The following NGRN variants were observed in gnomAD, a reference collection of about 807,000 sequenced individuals.
NGRN encodes neugrin.
NGRN carries 12 observed loss-of-function variants against 13.1 expected under a neutral mutation model. The observed-to-expected ratio is 0.92, with a 90% CI of 0.59 to 1.49. The LOEUF is 1.49. Among genes scored for constraint, NGRN ranks in the 40% most tolerant of loss-of-function variants. The probability of loss-of-function intolerance (pLI) is 0.00; values close to 1 mark genes in which losing one functional copy is unlikely to be tolerated. For missense variants in NGRN, 397 were observed against 357.0 expected (o/e 1.11, Z -0.90); for synonymous variants, 149 against 145.8 (o/e 1.02, Z -0.16).
intron 2 of NGRN, among the ~76,000 whole-genome samples, chr15:90,268,200 A>G (rs1963456289): frequency 6.6e-6 from 1 of 151,850 alleles, no homozygotes; most frequent in South Asian, 2.1e-4. Context: ...ACAGAGTTTC[A>G]CCATGTTGGC....
Position 90,266,395 on chromosome 15 carries a change from T to C in NGRN, c.272T>C (p.Ile91Thr), listed in dbSNP as rs746363112. ...CTGACGTGGGAAGCCATGGAGCAGA[T>C]ACGGTGAGACTCAGGATACCTTGTT... The part of the protein sequence containing the change: ...RTLTWEAMEQ[I>T]RYLHEEFPES... The change falls in exon 2 of 3, where the codon ATA becomes ACA. Residue 91 changes from isoleucine (I) to threonine (T), a missense_variant. By Grantham distance (89) the Ile-to-Thr change is moderately conservative. Coordinates refer to ENST00000379095, the MANE Select transcript of NGRN (RefSeq NM_001033088.3). 3 of 1,612,554 alleles carry C rather than the reference T, an allele frequency of 1.9e-6. No homozygotes were observed. The highest frequency in any genetic ancestry group is 2.2e-5 in the South Asian group (2 of 90,792).
At position 90,271,172 on chromosome 15, in the gene NGRN, C is replaced by G; in HGVS notation, c.276-16C>G. The G allele has an allele frequency of 6.3e-7, 1 of 1,599,494 alleles. No homozygotes were observed. The highest frequency in any genetic ancestry group is 8.5e-7 in the Non-Finnish European group (1 of 1,172,920). On this transcript the variant is annotated splice_polypyrimidine_tract_variant and intron_variant, in intron 2 of 2. Coordinates refer to ENST00000379095, the MANE Select transcript of NGRN (RefSeq NM_001033088.3). Reference sequence around the variant, plus strand: ...GACTTCTTCACAACTTGCAAACCTGCTCCTTCTTCCCGTAGGTATTTACAT... The same window carrying G: ...GACTTCTTCACAACTTGCAAACCTGGTCCTTCTTCCCGTAGGTATTTACAT...
Position 90,265,709 on chromosome 15 carries a change from C to T in NGRN, c.-4C>T, listed in dbSNP as rs368838597. Reference sequence around the variant, plus strand: ...CCGACTGCTGAAGGCTGGTTTGCGTCGACATGGCGGTTACCCTGAGTCTCT... The same window carrying T: ...CCGACTGCTGAAGGCTGGTTTGCGTTGACATGGCGGTTACCCTGAGTCTCT... On this transcript the variant is annotated 5_prime_UTR_variant, in exon 1 of 3. Coordinates refer to ENST00000379095, the MANE Select transcript of NGRN (RefSeq NM_001033088.3). 3.6e-5 allele frequency: 58 copies of T among 1,613,136 alleles called. No homozygotes were observed. The Admixed American group carries it at 4.8e-4, about 13-fold the overall frequency.
chr15:90,267,930 G>T (rs1963452235), intron 2 of NGRN, among the ~76,000 whole-genome samples: 1 of 152,148 alleles, frequency 6.6e-6, no homozygotes. Context: ...GGATTCTGTA[G>T]AGCTGCTCAA....
intron 2 of NGRN, among the ~76,000 whole-genome samples, chr15:90,267,671 TG>T (rs1403469917): frequency 6.6e-6 from 1 of 152,134 alleles, no homozygotes; most frequent in Non-Finnish European, 1.5e-5. Context: ...TCTTTTATTG[TG>T]GGCATTTAGT....
In NGRN at chr15:90,271,663, G is replaced by A. The variant is rs764522865; in HGVS notation, c.751G>A (p.Ala251Thr). 6.2e-6 allele frequency: 10 copies of A among 1,614,100 alleles called. No individual in the cohort carries two copies. In the African/African-American group the frequency reaches 6.7e-5, roughly 11 times the overall value. ...SESPRGTGSGALPSGQKLEEL... is the reference protein window; with the variant it reads ...SESPRGTGSGTLPSGQKLEEL... ...GAGCCCCAGAGGAACTGGCAGTGGT[G>A]CGTTGCCAAGTGGTCAGAAGCTGGA... Residue 251 changes from alanine to threonine, a missense_variant, in exon 3 of 3, where the codon GCG becomes ACG. By Grantham distance (58) the Ala-to-Thr change is moderately conservative. Transcript: ENST00000379095.
chr15:90,268,946 A>ACC (rs10588270), intron 2 of NGRN, among the ~76,000 whole-genome samples: 1 of 29,946 alleles, frequency 3.3e-5, no homozygotes, highest in Non-Finnish European at 5.8e-5. Context: ...GCTTTCTCCC[A>ACC]CCCCCCCCCC....
intron 2 of NGRN, 22 bp downstream of exon 2, chr15:90,266,420 T>C (rs752546965): frequency 1.9e-6 from 3 of 1,585,946 alleles, no homozygotes; most frequent in East Asian, 4.5e-5. Context: ...GATACCTTGT[T>C]TGTATCCGCT....
intron 2 of NGRN, 62 bp from the exon 3 acceptor site, chr15:90,271,126 G>A (rs1336248507): frequency 3.2e-6 from 5 of 1,552,926 alleles, no homozygotes; most frequent in Admixed American, 3.9e-5. Context: ...TAGGTATTGC[G>A]AGTTAGATGT....
intron 1 of NGRN, 142 bp downstream of exon 1, chr15:90,266,018 C>G (rs1963411997): frequency 7.1e-7 from 1 of 1,410,050 alleles, no homozygotes. Context: ...AGGGGCGCAG[C>G]GTCAGGTGTT....
chr15:90,270,414 T>C (rs1322924264), intron 2 of NGRN, among the ~76,000 whole-genome samples: 1 of 152,220 alleles, frequency 6.6e-6, no homozygotes, highest in Non-Finnish European at 1.5e-5. Context: ...TCCTCCCTTC[T>C]GCCAGCTTAT....
At position 90,266,418 on chromosome 15, in the gene NGRN, GT is replaced by G. The variant is rs767092967; in HGVS notation, c.275+23del. On this transcript the variant is annotated intron_variant, in intron 2 of 2. Coordinates refer to ENST00000379095, the MANE Select transcript of NGRN (RefSeq NM_001033088.3). Reference sequence around the variant, plus strand: ...GATACGGTGAGACTCAGGATACCTTGTTTGTATCCGCTGTGATGAGAAGTGA... The same window carrying G: ...GATACGGTGAGACTCAGGATACCTTGTTGTATCCGCTGTGATGAGAAGTGA... 6 of 1,587,792 alleles carry G rather than the reference GT, an allele frequency of 3.8e-6. No homozygotes were observed. The highest frequency in any genetic ancestry group is 4.3e-6 in the Non-Finnish European group (5 of 1,161,140).
rs1963499211 is a variant in NGRN at position 90,271,332 on chromosome 15, C to T, written c.420C>T (p.Val140=). Reference sequence around the variant, plus strand: ...AGAAGCTGAAGCAGGATCAAAAAGTCCTTAAGAAAGCTGGGCTTGCCCACT... The same window carrying T: ...AGAAGCTGAAGCAGGATCAAAAAGTTCTTAAGAAAGCTGGGCTTGCCCACT... ...LEQKLKQDQK[V]LKKAGLAHSL... is the part of the protein sequence containing the mutation. The change falls in exon 3 of 3, where the codon GTC becomes GTT. Residue 140 remains valine (V), a synonymous_variant. Transcript: ENST00000379095. 7.4e-6 allele frequency: 12 copies of T among 1,613,958 alleles called. No individual in the cohort carries two copies. Among genetic ancestry groups the T allele is most frequent in the Non-Finnish European group, 1.0e-5 (12 of 1,180,054 alleles).
intron 1 of NGRN, 135 bp from the exon 2 acceptor site, chr15:90,266,153 T>C (rs1963415069): frequency 6.8e-7 from 1 of 1,472,082 alleles, no homozygotes; most frequent in Non-Finnish European, 9.0e-7. Flanking sequence ...GGAGCAGCTC[T>C]AAGCCGGCAA....
Position 90,265,683 on chromosome 15 carries a change from G to T in NGRN, c.-30G>T. On this transcript the variant is annotated 5_prime_UTR_variant, in exon 1 of 3. Transcript: ENST00000379095. ...CGGCTACTTCCGCTGCTGTTTCGTAGCCGACTGCTGAAGGCTGGTTTGCGT... is the reference window on the plus strand; with the variant it reads ...CGGCTACTTCCGCTGCTGTTTCGTATCCGACTGCTGAAGGCTGGTTTGCGT... 1.2e-6 allele frequency: 2 copies of T among 1,612,456 alleles called. No individual in the cohort carries two copies. The highest frequency in any genetic ancestry group is 2.2e-5 in the South Asian group (2 of 91,002).
rs532843721 is a variant in NGRN, at chr15:90,272,059, A to T, written c.*271A>T. ...CATCCCGTGTTGCATGTGTTGTTAC[A>T]ATTTTCTGTGATACTTGCAATTTAT... On this transcript the variant is annotated 3_prime_UTR_variant, in exon 3 of 3. Transcript: ENST00000379095. 73 of 411,746 alleles carry T rather than the reference A, an allele frequency of 1.8e-4. No individual in the cohort carries two copies. Among genetic ancestry groups the T allele is most frequent in the African/African-American group, 1.3e-3 (67 of 51,116 alleles). The allele number at this position is 411,746 out of a possible 1,614,324, so 25.5% of individuals were successfully genotyped here. A position where few individuals can be genotyped will look rare whatever the true frequency, so the allele number is the denominator to read the frequency against.
At position 90,266,385 on chromosome 15, in the gene NGRN, A is replaced by G. The variant is rs1226881132; in HGVS notation, c.262A>G (p.Met88Val). Residue 88 changes from methionine to valine, a missense_variant, in exon 2 of 3, where the codon ATG (methionine) becomes GTG (valine). Met to Val is a conservative substitution (Grantham distance 21). Transcript: ENST00000379095. ...APPRTLTWEA[M>V]EQIRYLHEEF... The stretch of plus-strand genomic sequence containing the variant: ...GCCCAGGACCCTGACGTGGGAAGCC[A>G]TGGAGCAGATACGGTGAGACTCAGG... The G allele has an allele frequency of 5.0e-6, 8 of 1,613,508 alleles. No homozygotes were observed. The highest frequency in any genetic ancestry group is 1.7e-5 in the Admixed American group (1 of 59,950).
chr15:90,269,572 C>T (rs971558282), intron 2 of NGRN, among the ~76,000 whole-genome samples: 1 of 151,864 alleles, frequency 6.6e-6, no homozygotes, highest in Admixed American at 6.6e-5. Context: ...GAGTTCTGTC[C>T]TTGTCATTTT....
rs1963505330 is a variant in NGRN at position 90,271,574 on chromosome 15, T to C, written c.662T>C (p.Phe221Ser). Reference protein sequence around the residue: ...NKEIQDLEESFVPVAAPLGHP... With the variant: ...NKEIQDLEESSVPVAAPLGHP... ...GAAATCCAGGACCTGGAGGAGAGCTTTGTGCCTGTTGCTGCACCCCTAGGT... is the reference window on the plus strand; with the variant it reads ...GAAATCCAGGACCTGGAGGAGAGCTCTGTGCCTGTTGCTGCACCCCTAGGT... The change falls in exon 3 of 3, where the codon TTT becomes TCT. Residue 221 changes from phenylalanine to serine, a missense_variant. Coordinates refer to ENST00000379095, the MANE Select transcript of NGRN (RefSeq NM_001033088.3). The C allele has an allele frequency of 1.2e-6, 2 of 1,613,978 alleles. No individual in the cohort carries two copies. The highest frequency in any genetic ancestry group is 1.7e-6 in the Non-Finnish European group (2 of 1,180,028).
Sources: allele counts gnomAD v4.1 joint callset (sites outside exome capture counted in the v4.1 genomes callset), GRCh38; gene constraint gnomAD v4.1.1; transcripts MANE v1.5; gene names NCBI Gene and HGNC (gene_info 2026-07-23, HGNC 2026-07-21).